GLT1D1: variants seen among roughly 807,000 people sequenced by gnomAD.
The protein encoded by GLT1D1 is glycosyltransferase 1 domain-containing protein 1.
Under a neutral mutation model 28.7 loss-of-function variants are expected in GLT1D1, and 21 were observed. That is an observed-to-expected ratio of 0.73 (90% CI 0.52 to 1.05). The LOEUF (loss-of-function observed/expected upper bound fraction) is 1.05. Ranked by LOEUF, GLT1D1 falls within the 50% of genes least tolerant of loss-of-function variation. GLT1D1 has a pLI of 0.00. For missense variants in GLT1D1, 343 were observed against 330.6 expected, an observed-to-expected ratio of 1.04 and a Z score of -0.29; for synonymous variants, 147 against 124.8, an observed-to-expected ratio of 1.18 and a Z score of -1.19.
chr12:128,886,691 C>T (rs1868425113), intron 2 of GLT1D1, among the ~76,000 whole-genome samples: 1 of 152,024 alleles, frequency 6.6e-6, no homozygotes, highest in Non-Finnish European at 1.5e-5. Context: ...TGTAACGACC[C>T]CTGTGGTTAT....
At position 128,858,408 on chromosome 12, in the gene GLT1D1, A is replaced by T. The variant is rs144635707; in HGVS notation, c.68+4759A>T. Among the ~76,000 whole-genome samples, 811 of 152,348 alleles carry T rather than the reference A, an allele frequency of 5.3e-3. 6 individuals are homozygous for T. The highest frequency in any genetic ancestry group is 0.018 in the African/African-American group (759 of 41,590). ...GAATTTCTGCCGGGCCTGGTGGCTC[A>T]CGTCTGTAATCACAACACTTTGGGA... On this transcript the variant is annotated intron_variant, in intron 1 of 7. Transcript: ENST00000281703.
At chr12:128,977,693 A>G (rs535953272) in intron 7 of GLT1D1, among the ~76,000 whole-genome samples, 1 of 151,622 alleles carries the variant, frequency 6.6e-6, no homozygotes, top group East Asian at 1.9e-4. Context: ...CTCTTGAGAG[A>G]TGGAATTTCT....
At chr12:128,900,776 C>G (rs1870163903) in intron 4 of GLT1D1, among the ~76,000 whole-genome samples, 1 of 152,142 alleles carries the variant, frequency 6.6e-6, no homozygotes, top group African/African-American at 2.4e-5. Flanking sequence ...GCTGGGACGA[C>G]AGGCATGTGC....
chr12:128,961,002 T>C (rs1376073961), intron 7 of GLT1D1, among the ~76,000 whole-genome samples: 1 of 152,192 alleles, frequency 6.6e-6, no homozygotes, highest in East Asian at 1.9e-4. Context: ...ACAGGTTAGA[T>C]TGTATGTTTA....
intron 4 of GLT1D1, among the ~76,000 whole-genome samples, chr12:128,920,390 T>C (rs1872555938): frequency 6.6e-6 from 1 of 151,988 alleles, no homozygotes; most frequent in Non-Finnish European, 1.5e-5. Context: ...CCTGTCTCTA[T>C]TAAAAATACA....
intron 3 of GLT1D1, among the ~76,000 whole-genome samples, chr12:128,897,914 G>C (rs545258738): frequency 6.6e-6 from 1 of 152,094 alleles, no homozygotes; most frequent in African/African-American, 2.4e-5. Flanking sequence ...TGATCCGCCC[G>C]CCTTGGACTC....
At chr12:128,856,718 G>C (rs1956234577) in intron 1 of GLT1D1, among the ~76,000 whole-genome samples, 1 of 152,070 alleles carries the variant, frequency 6.6e-6, no homozygotes, top group Admixed American at 6.6e-5. Flanking sequence ...TTGTACATGT[G>C]GTGGGGAAAA....
At chr12:128,933,778 T>C (rs1282751341) in intron 4 of GLT1D1, among the ~76,000 whole-genome samples, 2 of 152,182 alleles carry the variant, frequency 1.3e-5, no homozygotes, top group Admixed American at 1.3e-4. Flanking sequence ...TCGACTGCTT[T>C]TCAGAGTCAA....
At position 128,875,821 on chromosome 12, in the gene GLT1D1, C is replaced by CAA. The variant is rs1956855628; in HGVS notation, c.69-93_69-92insAA. ...GTCTCAACAACAACAACAACAACAA[C>CAA]CAAAAAAAAAAAAAGTCTTAACTGT... On this transcript the variant is annotated intron_variant, in intron 1 of 7. Coordinates refer to ENST00000281703, the MANE Select transcript of GLT1D1 (RefSeq NM_144669.3). 1.6e-5 allele frequency: 18 copies of CAA among 1,150,548 alleles called. No homozygotes were observed. The Middle Eastern group carries it at 6.6e-4, about 42-fold the overall frequency. 71.3% of individuals were successfully genotyped at this position (1,150,548 alleles called of 1,614,324 possible).
At chr12:128,874,059 C>CTTTCTTTCTTTCTTTCTTTCTTT (rs1956774983) in intron 1 of GLT1D1, among the ~76,000 whole-genome samples, 1 of 34,694 alleles carries the variant, frequency 2.9e-5, no homozygotes, top group Admixed American at 4.6e-4. Flanking sequence ...CTCCCTCCCT[C>CTTTCTTTCTTTCTTTCTTTCTTT]CTTTCTTTCT....
chr12:128,897,138 T>C (rs150181856), intron 3 of GLT1D1, among the ~76,000 whole-genome samples: 156 of 152,356 alleles, frequency 1.0e-3, no homozygotes, highest in African/African-American at 3.5e-3. Flanking sequence ...CAATTAGATT[T>C]ATTTTGTTAT....
rs1464795207 is a variant in GLT1D1 at position 128,983,643 on chromosome 12, A to C, written c.*553A>C. 1 of 152,410 alleles carries C rather than the reference A, an allele frequency of 6.6e-6. No homozygotes were observed. The highest frequency in any genetic ancestry group is 1.5e-5 in the Non-Finnish European group (1 of 68,180). The allele number at this position is 152,410 out of a possible 1,614,324, so 9.4% of individuals were successfully genotyped here. A position where few individuals can be genotyped will look rare whatever the true frequency, so the allele number is the denominator to read the frequency against. ...CGCTGTGAGTGAGCTCACGCCCGGC[A>C]CAGCTCACTTTTCAATGGTGGAATT... is the stretch of plus-strand genomic sequence containing the variant. On this transcript the variant is annotated 3_prime_UTR_variant, in exon 8 of 8. Transcript: ENST00000281703. This position sits in a 1 kb window ranked among gnomAD's most constrained non-coding sequence, Gnocchi z 4.7.
At chr12:128,964,509 C>T (rs2088024091) in intron 7 of GLT1D1, among the ~76,000 whole-genome samples, 1 of 152,178 alleles carries the variant, frequency 6.6e-6, no homozygotes, top group East Asian at 1.9e-4. Context: ...AAACATTCAC[C>T]CCACAATATG....
At chr12:128,869,316 T>A (rs1956626003) in intron 1 of GLT1D1, among the ~76,000 whole-genome samples, 1 of 152,024 alleles carries the variant, frequency 6.6e-6, no homozygotes, top group Non-Finnish European at 1.5e-5. Context: ...ACTACAGGCG[T>A]GAACCACCAC....
rs1868679867 is a variant in GLT1D1 at position 128,888,712 on chromosome 12, C to A, written c.291C>A (p.Asn97Lys). The A allele has an allele frequency of 2.5e-6, 4 of 1,612,848 alleles. No individual in the cohort carries two copies. The highest frequency in any genetic ancestry group is 3.4e-6 in the Non-Finnish European group (4 of 1,179,020). Reference sequence around the variant, plus strand: ...AAGATGCCAACCAGGCGGAAAAAAACACAGTCATGGGCAGAGTTCTTGAGG... The same window carrying A: ...AAGATGCCAACCAGGCGGAAAAAAAAACAGTCATGGGCAGAGTTCTTGAGG... Residue 97 changes from asparagine (N) to lysine (K), a missense_variant, in exon 3 of 8, where the codon AAC (asparagine) becomes AAA (lysine). By Grantham distance (94) the Asn-to-Lys change is moderately conservative. Transcript: ENST00000281703.
rs1452372046 is a variant in GLT1D1, at chr12:128,945,343, A to G, written c.393A>G (p.Thr131=). The stretch of plus-strand genomic sequence containing the variant: ...CTTTTCAGGTCGATCCAGTGTTTAC[A>G]AGGGAAGTGAAAGCCAAAGTGAAAA... Residue 131 remains threonine (T), a synonymous_variant, in exon 5 of 8, where the codon ACA becomes ACG. Coordinates refer to ENST00000281703, the MANE Select transcript of GLT1D1 (RefSeq NM_144669.3). 3 of 1,614,140 alleles carry G rather than the reference A, an allele frequency of 1.9e-6. No homozygotes were observed. Among genetic ancestry groups the G allele is most frequent in the Non-Finnish European group, 2.5e-6 (3 of 1,179,946 alleles).
At chr12:128,956,811 C>G (rs1877358684) in intron 6 of GLT1D1, among the ~76,000 whole-genome samples, 1 of 152,176 alleles carries the variant, frequency 6.6e-6, no homozygotes. Context: ...AATCATTATT[C>G]TTTTTGAAGT....
At chr12:128,938,144 G>A (rs556403829) in intron 4 of GLT1D1, among the ~76,000 whole-genome samples, 1 of 152,280 alleles carries the variant, frequency 6.6e-6, no homozygotes, top group Non-Finnish European at 1.5e-5. Context: ...CTTTCTAGCT[G>A]TGTGATCCTG....
chr12:128,883,589 CAAAAA>C (rs202021879), intron 2 of GLT1D1, among the ~76,000 whole-genome samples: 21 of 78,010 alleles, frequency 2.7e-4, no homozygotes, highest in South Asian at 1.8e-3. Flanking sequence ...GACTCCATCT[CAAAAA>C]AAAAAAAAAA....
Sources: allele counts gnomAD v4.1 joint callset (sites outside exome capture counted in the v4.1 genomes callset), GRCh38; gene constraint gnomAD v4.1.1; non-coding constraint Gnocchi (gnomAD v3.1); transcripts MANE v1.5; gene names NCBI Gene and HGNC (gene_info 2026-07-23, HGNC 2026-07-21).